The following ETV1 variants were observed in gnomAD, a reference collection of about 807,000 sequenced individuals.
ETV1 encodes ETS variant transcription factor 1, also known as ETS translocation variant 1.
ETV1 carries 27 observed loss-of-function variants against 62.3 expected under a neutral mutation model. That is an observed-to-expected ratio of 0.43 (90% CI 0.32 to 0.60). The LOEUF (loss-of-function observed/expected upper bound fraction) is 0.60. ETV1 is among the 20% of genes least tolerant of loss of function. The pLI, the probability that ETV1 is intolerant of heterozygous loss-of-function variation, is 0.06. For missense variants in ETV1, 605 were observed against 605.8 expected (o/e 1.00, Z 0.01); for synonymous variants, 222 against 199.6 (o/e 1.11, Z -0.94).
intron 6 of ETV1, among the ~76,000 whole-genome samples, chr7:13,955,344 A>G (rs1393929415): frequency 6.6e-6 from 1 of 152,236 alleles, no homozygotes; most frequent in Non-Finnish European, 1.5e-5. Flanking sequence ...GGGGAGATGT[A>G]TGACATACAA....
At chr7:13,948,161 A>G (rs1788388270) in intron 6 of ETV1, among the ~76,000 whole-genome samples, 2 of 152,210 alleles carry the variant, frequency 1.3e-5, no homozygotes, top group Non-Finnish European at 2.9e-5. Context: ...TTGCTATTCA[A>G]CAGTTGAAGC....
intron 6 of ETV1, among the ~76,000 whole-genome samples, chr7:13,954,572 A>G (rs745315885): frequency 2.3e-4 from 35 of 152,192 alleles, no homozygotes; most frequent in Non-Finnish European, 4.0e-4. Flanking sequence ...TGTTTGAAAA[A>G]TTTTATTCTC....
rs1554301269 is a variant in ETV1 at position 13,941,907 on chromosome 7, A to AAAGT, written c.236-2665_236-2662dup. ...TAAATAAATAAATAAATAAATAAATAAAGTAAGAAAATTGTCTCCCATTGT... is the reference window on the plus strand; with the variant it reads ...TAAATAAATAAATAAATAAATAAATAAAGTAAGTAAGAAAATTGTCTCCCATTGT... On this transcript the variant is annotated intron_variant, in intron 6 of 13. Transcript: ENST00000430479. Among the ~76,000 whole-genome samples the AAAGT allele has an allele frequency of 4.5e-3, 638 of 141,810 alleles. 3 individuals are homozygous for AAAGT. The highest frequency in any genetic ancestry group is 0.015 in the African/African-American group (580 of 38,490). The allele number at this position is 141,810 out of a possible 152,430, so 93.0% of individuals were successfully genotyped here. A position where few individuals can be genotyped will look rare whatever the true frequency, so the allele number is the denominator to read the frequency against.
At chr7:13,955,891 T>C (rs748583727) in intron 6 of ETV1, among the ~76,000 whole-genome samples, 2 of 152,160 alleles carry the variant, frequency 1.3e-5, no homozygotes, top group African/African-American at 4.8e-5. Flanking sequence ...TTGGGAGTTC[T>C]GAATCACAAA....
chr7:13,974,355 G>C (rs1781194339), intron 6 of ETV1, among the ~76,000 whole-genome samples: 1 of 152,226 alleles, frequency 6.6e-6, no homozygotes, highest in Non-Finnish European at 1.5e-5. Flanking sequence ...GGAGTAGCAA[G>C]AGTTTAAACC....
At chr7:13,907,618 G>A (rs921112037) in intron 11 of ETV1, among the ~76,000 whole-genome samples, 1 of 152,028 alleles carries the variant, frequency 6.6e-6, no homozygotes, top group Non-Finnish European at 1.5e-5. Flanking sequence ...AAAAATAGGT[G>A]GAACTGCTCA....
intron 9 of ETV1, among the ~76,000 whole-genome samples, chr7:13,917,956 T>C (rs1036638136): frequency 1.3e-5 from 2 of 151,906 alleles, no homozygotes; most frequent in Admixed American, 6.6e-5. Context: ...TGAGTGAGAC[T>C]CTGTCTCAGA....
At chr7:13,907,755 T>C (rs1371998833) in intron 11 of ETV1, 1 of 460,582 alleles carries the variant, frequency 2.2e-6, no homozygotes. Context: ...AAGTGTGCAT[T>C]ATAAAATAGA....
At chr7:13,940,521 G>A (rs1787378796) in intron 6 of ETV1, among the ~76,000 whole-genome samples, 1 of 152,002 alleles carries the variant, frequency 6.6e-6, no homozygotes, top group Non-Finnish European at 1.5e-5. Context: ...ATAATCATAA[G>A]AATAGATTCT....
chr7:13,894,951 T>G lies in ETV1; in HGVS notation c.*915A>C, dbSNP rs1414750670. 1.3e-5 allele frequency: 3 copies of G among 232,838 alleles called. No homozygotes were observed. The highest frequency in any genetic ancestry group is 5.6e-5 in the Admixed American group (1 of 17,768). 14.4% of individuals were successfully genotyped at this position (232,838 alleles called of 1,614,324 possible). On this transcript the variant is annotated 3_prime_UTR_variant, in exon 14 of 14. Coordinates refer to ENST00000430479, the MANE Select transcript of ETV1 (RefSeq NM_004956.5). The stretch of plus-strand genomic sequence containing the variant: ...CATGATTTAGTACAGTTAATTCTTA[T>G]TGATTAAATAATGTATTTATGTACT...
At chr7:13,913,466 T>G (rs1451564956) in intron 9 of ETV1, among the ~76,000 whole-genome samples, 1 of 152,086 alleles carries the variant, frequency 6.6e-6, no homozygotes, top group African/African-American at 2.4e-5. Flanking sequence ...AAAGTGGGAA[T>G]AATAATAATA....
intron 11 of ETV1, among the ~76,000 whole-genome samples, chr7:13,909,136 T>TAAAA (rs34046311): frequency 7.2e-6 from 1 of 138,950 alleles, no homozygotes; most frequent in Non-Finnish European, 1.6e-5. Flanking sequence ...CTTCCCCAGT[T>TAAAA]AAAAAAAAAA....
intron 6 of ETV1, among the ~76,000 whole-genome samples, chr7:13,956,242 G>T (rs766383638): frequency 9.2e-5 from 14 of 151,972 alleles, no homozygotes; most frequent in Non-Finnish European, 1.9e-4. Context: ...TAATCCAGAA[G>T]GCCTTCTTAA....
At position 13,919,369 on chromosome 7, in the gene ETV1, C is replaced by T. The variant is rs181446049; in HGVS notation, c.803-8062G>A. 4.6e-5 allele frequency among the ~76,000 whole-genome samples: 7 copies of T among 150,554 alleles called. No individual in the cohort carries two copies. In the East Asian group the frequency reaches 1.4e-3, roughly 29 times the overall value. ...AAAACAGATGGAGCAGTGAAATGTA[C>T]AGACCCACATACTAAAAAAAAAAAT... On this transcript the variant is annotated intron_variant, in intron 9 of 13. Coordinates refer to ENST00000430479, the MANE Select transcript of ETV1 (RefSeq NM_004956.5).
intron 9 of ETV1, among the ~76,000 whole-genome samples, chr7:13,913,232 G>A (rs996708956): frequency 1.3e-5 from 2 of 152,192 alleles, no homozygotes; most frequent in African/African-American, 4.8e-5. Flanking sequence ...ACAAGCTGTA[G>A]TTTAACTCAT....
intron 9 of ETV1, among the ~76,000 whole-genome samples, chr7:13,922,894 T>C (rs548999120): frequency 1.3e-5 from 2 of 152,330 alleles, no homozygotes; most frequent in East Asian, 1.9e-4. Context: ...TTGGAAAATA[T>C]GTATGAGGTT....
intron 9 of ETV1, among the ~76,000 whole-genome samples, chr7:13,914,406 G>T (rs968121631): frequency 3.9e-5 from 6 of 151,920 alleles, no homozygotes; most frequent in Non-Finnish European, 4.4e-5. Context: ...CCTATAATTT[G>T]TTACAGATGA....
rs1781403465 is a variant in ETV1, at chr7:13,891,858, A to G, written c.*4008T>C. On this transcript the variant is annotated 3_prime_UTR_variant, in exon 14 of 14. Coordinates refer to ENST00000430479, the MANE Select transcript of ETV1 (RefSeq NM_004956.5). ...ATCGCAAATGGAAAATAGCTTACTC[A>G]CTTCTTATTTTTAAATTTTAGTTTT... The G allele has an allele frequency of 4.3e-6, 1 of 231,154 alleles. No individual in the cohort carries two copies. The allele number at this position is 231,154 out of a possible 1,614,324, so 14.3% of individuals were successfully genotyped here.
chr7:13,912,657 T>A (rs1421380896), intron 9 of ETV1, among the ~76,000 whole-genome samples: 1 of 152,228 alleles, frequency 6.6e-6, no homozygotes. Context: ...TTACTATTTA[T>A]ACTCTAGTGT....
Sources: allele counts gnomAD v4.1 joint callset (sites outside exome capture counted in the v4.1 genomes callset), GRCh38; gene constraint gnomAD v4.1.1; transcripts MANE v1.5; gene names NCBI Gene and HGNC (gene_info 2026-07-23, HGNC 2026-07-21).